Variants in CYP4F12 observed in about 807,000 individuals in gnomAD.
CYP4F12 encodes cytochrome P450 4F12.
In CYP4F12, 60 loss-of-function variants were observed where a neutral mutation model predicts 56.5. The ratio of observed to expected loss-of-function variants is 1.06; its 90% CI spans 0.86 to 1.32. The LOEUF is 1.32. Ranked by LOEUF, CYP4F12 falls within the 40% of genes most tolerant of loss-of-function variation. CYP4F12 has a pLI of 0.00. For missense variants in CYP4F12, 711 were observed against 683.5 expected, an observed-to-expected ratio of 1.04 and a Z score of -0.45; for synonymous variants, 263 against 264.9, an observed-to-expected ratio of 0.99 and a Z score of 0.07.
chr19:15,680,605 G>A, intron 5 of CYP4F12, 86 bp downstream of exon 5: 2 of 1,546,918 alleles, frequency 1.3e-6, no homozygotes, highest in Non-Finnish European at 1.8e-6. Context: ...TGGCTCTTCT[G>A]GGTGGCACTG....
chr19:15,683,084 C>CAGAGAGAGAGAG (rs2007397254), intron 6 of CYP4F12, among the ~76,000 whole-genome samples: 1 of 118,904 alleles, frequency 8.4e-6, no homozygotes, highest in South Asian at 2.7e-4. Context: ...GAGAGAGAGA[C>CAGAGAGAGAGAG]AGAGAGACAG....
intron 2 of CYP4F12, among the ~76,000 whole-genome samples, chr19:15,677,593 C>T (rs1163148295): frequency 0.17 from 3,688 of 22,176 alleles, 974 homozygotes; most frequent in East Asian, 0.29. Flanking sequence ...CATTCCTCTC[C>T]TCACTCACTC....
At chr19:15,693,021 T>C (rs1193481645) in intron 9 of CYP4F12, among the ~76,000 whole-genome samples, 1 of 152,130 alleles carries the variant, frequency 6.6e-6, no homozygotes, top group Non-Finnish European at 1.5e-5. Context: ...GAGGTTGCAG[T>C]GAGACAAGAT....
chr19:15,695,412 G>A (rs1171015801), intron 9 of CYP4F12, among the ~76,000 whole-genome samples: 1 of 150,534 alleles, frequency 6.6e-6, no homozygotes, highest in Non-Finnish European at 1.5e-5. Context: ...TAAATGATGA[G>A]TTAATGGGTG....
intron 9 of CYP4F12, among the ~76,000 whole-genome samples, chr19:15,689,654 A>G (rs768035600): frequency 1.4e-4 from 21 of 152,258 alleles, no homozygotes; most frequent in Non-Finnish European, 2.6e-4. Context: ...ATGCACATGC[A>G]TGCTTATAGT....
chr19:15,676,088 A>T (rs611641), intron 2 of CYP4F12, among the ~76,000 whole-genome samples: 140,804 of 151,870 alleles, frequency 0.93, 65,330 homozygotes, highest in East Asian at 1. Flanking sequence ...ATATCCCAGC[A>T]GCAGAAGAGA....
At chr19:15,674,694 T>TTCCTCTCCTCAC (rs2006831534) in intron 2 of CYP4F12, among the ~76,000 whole-genome samples, 1 of 7,328 alleles carries the variant, frequency 1.4e-4, no homozygotes, top group African/African-American at 3.8e-4. Context: ...CCTCTCCTCA[T>TTCCTCTCCTCAC]TCACTGATTC....
intron 9 of CYP4F12, 35 bp downstream of exon 9, chr19:15,685,232 C>T: frequency 2.5e-6 from 4 of 1,605,054 alleles, no homozygotes; most frequent in African/African-American, 1.3e-5. Context: ...TTCCTGAGCC[C>T]ATCATTGGTT....
At chr19:15,673,194 C>T in intron 1 of CYP4F12, 59 bp downstream of exon 1, 1 of 492,634 alleles carries the variant, frequency 2.0e-6, no homozygotes, top group Non-Finnish European at 4.0e-6. Flanking sequence ...GAGGGGACTG[C>T]CTAAGGCTGG....
chr19:15,673,187 G>A (rs1352556713), intron 1 of CYP4F12, 52 bp downstream of exon 1: 9 of 486,864 alleles, frequency 1.8e-5, no homozygotes, highest in Non-Finnish European at 3.6e-5. Flanking sequence ...GGATGAAGAG[G>A]GGACTGCCTA....
At chr19:15,678,878 A>C (rs1171444641) in intron 3 of CYP4F12, among the ~76,000 whole-genome samples, 2 of 152,218 alleles carry the variant, frequency 1.3e-5, no homozygotes, top group Non-Finnish European at 2.9e-5. Flanking sequence ...CCCATCCCTC[A>C]GTCCAAAGCG....
rs538400831 is a variant in CYP4F12, at chr19:15,690,817, C to G, written c.1116-5119C>G. ...ATTCTTGACATTCCTGCTATCCCAC[C>G]TAATATCCTCCCTTTCTCCAAGGGG... On this transcript the variant is annotated intron_variant, in intron 9 of 12. Transcript: ENST00000550308. Among the ~76,000 whole-genome samples, 6 of 152,340 alleles carry G rather than the reference C, an allele frequency of 3.9e-5. No homozygotes were observed. In the East Asian group the frequency reaches 1.2e-3, roughly 29 times the overall value.
At chr19:15,680,595 T>C in intron 5 of CYP4F12, 76 bp downstream of exon 5, 1 of 1,604,658 alleles carries the variant, frequency 6.2e-7, no homozygotes, top group Non-Finnish European at 8.5e-7. Context: ...TCTGGAATTT[T>C]GGCTCTTCTG....
chr19:15,678,648 G>A, intron 3 of CYP4F12: 1 of 488,018 alleles, frequency 2.0e-6, no homozygotes, highest in East Asian at 3.4e-5. Context: ...TCTAGACAGA[G>A]ACATTTCCAG....
At chr19:15,682,925 AG>A (rs1434968916) in intron 6 of CYP4F12, among the ~76,000 whole-genome samples, 5 of 152,040 alleles carry the variant, frequency 3.3e-5, no homozygotes. Context: ...TTCAGTAGAG[AG>A]GGGGTTCACC....
intron 9 of CYP4F12, among the ~76,000 whole-genome samples, chr19:15,694,733 CA>C (rs1404655055): frequency 5.5e-4 from 84 of 152,054 alleles, no homozygotes; most frequent in African/African-American, 2.0e-3. Context: ...TTTATGCAGC[CA>C]AAAAACACAT....
intron 9 of CYP4F12, among the ~76,000 whole-genome samples, chr19:15,693,765 T>C (rs2007989454): frequency 6.7e-6 from 1 of 150,256 alleles, no homozygotes; most frequent in East Asian, 1.9e-4. Flanking sequence ...TCCTTGCCCA[T>C]GTCTATGTCT....
intron 2 of CYP4F12, among the ~76,000 whole-genome samples, chr19:15,674,882 G>A (rs2006842764): frequency 6.9e-6 from 1 of 144,650 alleles, no homozygotes; most frequent in African/African-American, 2.9e-5. Context: ...CACAGAGCAG[G>A]GCTCTCCTGG....
intron 2 of CYP4F12, among the ~76,000 whole-genome samples, chr19:15,676,556 C>T (rs143980593): frequency 8.4e-5 from 2 of 23,950 alleles, no homozygotes; most frequent in Non-Finnish European, 1.6e-4. Flanking sequence ...CATATCCTCA[C>T]TCACTCATTC....
Sources: allele counts gnomAD v4.1 joint callset (sites outside exome capture counted in the v4.1 genomes callset), GRCh38; gene constraint gnomAD v4.1.1; transcripts MANE v1.5; gene names NCBI Gene and HGNC (gene_info 2026-07-23, HGNC 2026-07-21).